Variants in EXOC4 observed in about 807,000 individuals in gnomAD.
EXOC4 encodes the protein exocyst complex component 4.
A neutral mutation model predicts 107.2 loss-of-function variants in EXOC4; 71 were observed. The ratio of observed to expected loss-of-function variants is 0.66; its 90% CI spans 0.55 to 0.81. The LOEUF is 0.81. Among genes scored for constraint, EXOC4 ranks in the 30% least tolerant of loss-of-function variants. The pLI is 0.00. For missense variants in EXOC4, 1,108 were observed against 1,189.6 expected, an observed-to-expected ratio of 0.93 and a Z score of 1.01; for synonymous variants, 456 against 441.2, an observed-to-expected ratio of 1.03 and a Z score of -0.42.
intron 9 of EXOC4, among the ~76,000 whole-genome samples, chr7:133,513,672 A>G (rs1421489119): frequency 6.6e-6 from 1 of 152,108 alleles, no homozygotes; most frequent in Non-Finnish European, 1.5e-5. Context: ...ACTGTCTTCT[A>G]GTAGTCTTTG....
rs541427674 is a variant in EXOC4 at position 133,303,223 on chromosome 7, A to G, written c.472-2654A>G. Among the ~76,000 whole-genome samples, 18 of 152,318 alleles carry G rather than the reference A, an allele frequency of 1.2e-4. No individual in the cohort carries two copies. In the East Asian group the frequency reaches 3.5e-3, roughly 29 times the overall value. ...GCCAAGGTGGGTGGATCACAAGGTC[A>G]GGAGTTTGAGACCAGCCTGGCCAAC... On this transcript the variant is annotated intron_variant, in intron 3 of 17. Transcript: ENST00000253861.
chr7:133,297,645 A>G (rs1794548338), intron 3 of EXOC4, among the ~76,000 whole-genome samples: 1 of 152,198 alleles, frequency 6.6e-6, no homozygotes, highest in Non-Finnish European at 1.5e-5. Flanking sequence ...AAAGTGAAAT[A>G]TAGTACAGGA....
chr7:133,634,978 T>A (rs1327047637), intron 10 of EXOC4, among the ~76,000 whole-genome samples: 1 of 292 alleles, frequency 3.4e-3, no homozygotes, highest in Non-Finnish European at 0.024. Context: ...CTAGAAGACT[T>A]TTAAGACGAA....
At chr7:133,407,882 G>A (rs897147394) in intron 7 of EXOC4, among the ~76,000 whole-genome samples, 10 of 152,092 alleles carry the variant, frequency 6.6e-5, no homozygotes, top group African/African-American at 2.4e-4. Context: ...AATAATTATG[G>A]AAAGCCAGGA....
chr7:133,387,911 C>A (rs1796763945), intron 7 of EXOC4, among the ~76,000 whole-genome samples: 1 of 151,424 alleles, frequency 6.6e-6, no homozygotes. Flanking sequence ...TGTTTTCACA[C>A]AGTTAAGTAT....
intron 11 of EXOC4, among the ~76,000 whole-genome samples, chr7:133,837,848 A>G (rs1259704490): frequency 6.6e-6 from 1 of 152,196 alleles, no homozygotes; most frequent in Non-Finnish European, 1.5e-5. Context: ...AAACTTCCTA[A>G]CTCAAAAACT....
intron 10 of EXOC4, among the ~76,000 whole-genome samples, chr7:133,748,814 G>T (rs1289818419): frequency 1.3e-5 from 2 of 152,128 alleles, no homozygotes; most frequent in Non-Finnish European, 2.9e-5. Context: ...CAAAATTTCA[G>T]ACTTCCAGAA....
In EXOC4 at chr7:133,789,394, C is replaced by T. The variant is rs544286230; in HGVS notation, c.1515-27931C>T. Among the ~76,000 whole-genome samples, 6 of 152,298 alleles carry T rather than the reference C, an allele frequency of 3.9e-5. No homozygotes were observed. In the South Asian group the frequency reaches 1.2e-3, roughly 32 times the overall value. On this transcript the variant is annotated intron_variant, in intron 10 of 17. Transcript: ENST00000253861. ...GTTCTATGCCACTACTCTCTCTCCT[C>T]CCCCAGGACCAAAGGGCATATATTT...
At chr7:134,022,128 G>A (rs144685150) in intron 17 of EXOC4, among the ~76,000 whole-genome samples, 195 of 152,340 alleles carry the variant, frequency 1.3e-3, no homozygotes, top group Middle Eastern at 6.8e-3. Context: ...ATTACTTGCT[G>A]TGGTAAATCA....
chr7:133,326,369 C>T (rs944624294), intron 5 of EXOC4, among the ~76,000 whole-genome samples: 9 of 152,124 alleles, frequency 5.9e-5, no homozygotes, highest in Admixed American at 3.9e-4. Flanking sequence ...ATGATGGTGA[C>T]GTACAGATGG....
chr7:133,520,404 T>A (rs1422954086), intron 9 of EXOC4, among the ~76,000 whole-genome samples: 1 of 152,190 alleles, frequency 6.6e-6, no homozygotes, highest in Admixed American at 6.6e-5. Flanking sequence ...TGTCTGAGTA[T>A]GAACAAATTG....
chr7:133,798,414 ATTTTCTTGGCATAT>A (rs377464899), intron 10 of EXOC4, among the ~76,000 whole-genome samples: 127,765 of 151,800 alleles, frequency 0.84, 54,167 homozygotes, highest in East Asian at 0.99. Context: ...TTTATCAGTA[ATTTTCTTGGCATAT>A]TTACAAAGAA....
chr7:133,336,194 C>T (rs760565889), intron 5 of EXOC4, among the ~76,000 whole-genome samples: 5 of 152,086 alleles, frequency 3.3e-5, no homozygotes, highest in African/African-American at 9.7e-5. Flanking sequence ...TTTGAATTTT[C>T]GTGTAGTCTA....
At position 134,023,038 on chromosome 7, in the gene EXOC4, A is replaced by G. The variant is rs150596876; in HGVS notation, c.2687+15203A>G. Among the ~76,000 whole-genome samples, 11 of 152,286 alleles carry G rather than the reference A, an allele frequency of 7.2e-5. No homozygotes were observed. The East Asian group carries it at 1.5e-3, about 21-fold the overall frequency. On this transcript the variant is annotated intron_variant, in intron 17 of 17. Coordinates refer to ENST00000253861, the MANE Select transcript of EXOC4 (RefSeq NM_021807.4). ...AACCTCTTTCTTTGAACTATTATTT[A>G]TATTTAGAACCAAATATAAGAACAG... is the stretch of plus-strand genomic sequence containing the variant.
chr7:133,861,963 AG>A lies in EXOC4; in HGVS notation c.1735-33635del, dbSNP rs1366530733. Among the ~76,000 whole-genome samples the A allele has an allele frequency of 3.9e-5, 6 of 152,174 alleles. 1 individual carries two copies. Among genetic ancestry groups the A allele is most frequent in the Non-Finnish European group, 8.8e-5 (6 of 68,026 alleles). On this transcript the variant is annotated intron_variant, in intron 11 of 17. Coordinates refer to ENST00000253861, the MANE Select transcript of EXOC4 (RefSeq NM_021807.4). The stretch of plus-strand genomic sequence containing the variant: ...AGGTAAGGCATGATACAGAAGGTAA[AG>A]TTGGGAATGTCAAAGGGATGCTTTC...
intron 10 of EXOC4, among the ~76,000 whole-genome samples, chr7:133,692,893 C>T (rs529270426): frequency 5.5e-4 from 84 of 152,118 alleles, no homozygotes; most frequent in Non-Finnish European, 1.1e-3. Context: ...CTGTGCTAAG[C>T]GCTTCACATG....
At chr7:133,270,589 A>G (rs1331928438) in intron 1 of EXOC4, among the ~76,000 whole-genome samples, 1 of 152,226 alleles carries the variant, frequency 6.6e-6, no homozygotes, top group Non-Finnish European at 1.5e-5. Flanking sequence ...TGTGTTACAG[A>G]AAAAGATGAG....
At chr7:133,901,125 C>T (rs1160265562) in intron 12 of EXOC4, among the ~76,000 whole-genome samples, 1 of 152,206 alleles carries the variant, frequency 6.6e-6, no homozygotes, top group East Asian at 1.9e-4. Flanking sequence ...CCACCTCGGC[C>T]TCCCAAAGTC....
intron 17 of EXOC4, among the ~76,000 whole-genome samples, chr7:134,045,102 T>C (rs977351975): frequency 6.6e-6 from 1 of 152,254 alleles, no homozygotes; most frequent in Non-Finnish European, 1.5e-5. Context: ...GGACCTGGTA[T>C]ATAGTAAGTG....
Sources: allele counts gnomAD v4.1 joint callset (sites outside exome capture counted in the v4.1 genomes callset), GRCh38; gene constraint gnomAD v4.1.1; transcripts MANE v1.5; gene names NCBI Gene and HGNC (gene_info 2026-07-23, HGNC 2026-07-21).